Variants in TAFA2 observed in about 807,000 individuals in gnomAD.
The protein encoded by TAFA2 is chemokine-like protein TAFA-2.
A neutral mutation model predicts 18.8 loss-of-function variants in TAFA2; 7 were observed. The ratio of observed to expected loss-of-function variants is 0.37; its 90% CI spans 0.21 to 0.70. The LOEUF (loss-of-function observed/expected upper bound fraction) is 0.70, where lower values mean the gene tolerates loss of function less well. Ranked by LOEUF, TAFA2 falls within the 30% of genes least tolerant of loss-of-function variation. The pLI, the probability that TAFA2 is intolerant of heterozygous loss-of-function variation, is 0.53. For missense variants in TAFA2, 122 were observed against 158.1 expected, an observed-to-expected ratio of 0.77 and a Z score of 1.23; for synonymous variants, 60 against 54.2, an observed-to-expected ratio of 1.11 and a Z score of -0.47.
chr12:61,931,433 C>A (rs1877550213), intron 1 of TAFA2, among the ~76,000 whole-genome samples: 1 of 152,208 alleles, frequency 6.6e-6, no homozygotes, highest in South Asian at 2.1e-4. Flanking sequence ...GCACTTGGCA[C>A]TGGCCAGCTG....
intron 1 of TAFA2, among the ~76,000 whole-genome samples, chr12:61,965,383 A>G (rs1464944249): frequency 6.6e-6 from 1 of 151,900 alleles, no homozygotes; most frequent in African/African-American, 2.4e-5. Flanking sequence ...ATAAACTTCT[A>G]TTGTTTATAA....
chr12:62,211,510 G>A (rs1028182709), intron 1 of TAFA2, among the ~76,000 whole-genome samples: 9 of 151,892 alleles, frequency 5.9e-5, no homozygotes, highest in African/African-American at 2.2e-4. Flanking sequence ...AACCTGGGAG[G>A]CGGAGGTTGC....
intron 1 of TAFA2, among the ~76,000 whole-genome samples, chr12:61,917,017 T>C (rs1876847029): frequency 6.6e-6 from 1 of 152,128 alleles, no homozygotes; most frequent in Non-Finnish European, 1.5e-5. Context: ...TAGTAAGAAC[T>C]CATACACGGT....
At chr12:62,133,822 A>G (rs1870785305) in intron 1 of TAFA2, among the ~76,000 whole-genome samples, 3 of 152,082 alleles carry the variant, frequency 2.0e-5, no homozygotes, top group Non-Finnish European at 4.4e-5. Context: ...TGGACAAATA[A>G]TCATTGAGCA....
chr12:61,917,911 G>C (rs1459251412), intron 1 of TAFA2, among the ~76,000 whole-genome samples: 1 of 151,356 alleles, frequency 6.6e-6, no homozygotes, highest in Non-Finnish European at 1.5e-5. Context: ...CAGGAGCGCT[G>C]TGAATCTTAT....
intron 1 of TAFA2, among the ~76,000 whole-genome samples, chr12:62,022,884 C>A (rs1881192038): frequency 6.6e-6 from 1 of 152,200 alleles, no homozygotes; most frequent in African/African-American, 2.4e-5. Context: ...CAGGGGTTCC[C>A]ATGGCTGAAT....
chr12:61,779,716 A>G (rs1870423019), intron 2 of TAFA2, among the ~76,000 whole-genome samples: 2 of 151,854 alleles, frequency 1.3e-5, no homozygotes, highest in Admixed American at 6.6e-5. Flanking sequence ...AAGATTTTCT[A>G]CTATGAACAT....
chr12:62,035,509 G>A (rs1050503132), intron 1 of TAFA2, among the ~76,000 whole-genome samples: 1 of 150,572 alleles, frequency 6.6e-6, no homozygotes, highest in Non-Finnish European at 1.5e-5. Context: ...GAAGAGGGTT[G>A]ATATAGGGAG....
intron 2 of TAFA2, among the ~76,000 whole-genome samples, chr12:61,843,934 T>C (rs2121135002): frequency 6.6e-6 from 1 of 152,218 alleles, no homozygotes; most frequent in African/African-American, 2.4e-5. Flanking sequence ...GTTTGTTCAG[T>C]CCTGAAACTG....
chr12:62,032,676 A>T (rs973810767), intron 1 of TAFA2, among the ~76,000 whole-genome samples: 14 of 116,468 alleles, frequency 1.2e-4, no homozygotes, highest in Admixed American at 2.4e-4. Context: ...TGCATTAATT[A>T]AAAAAAATCT....
intron 2 of TAFA2, among the ~76,000 whole-genome samples, chr12:61,846,976 C>T (rs1240398828): frequency 6.6e-6 from 1 of 152,060 alleles, no homozygotes; most frequent in Non-Finnish European, 1.5e-5. Context: ...TCCTTACTTC[C>T]CACACAGGTT....
chr12:61,896,527 C>A (rs1299848753), intron 1 of TAFA2, among the ~76,000 whole-genome samples: 2 of 152,188 alleles, frequency 1.3e-5, no homozygotes, highest in East Asian at 3.8e-4. Context: ...TAGGCCACTT[C>A]AAGTGCTTGA....
chr12:61,905,601 C>G (rs1313465777), intron 1 of TAFA2, among the ~76,000 whole-genome samples: 1 of 152,082 alleles, frequency 6.6e-6, no homozygotes, highest in Non-Finnish European at 1.5e-5. Flanking sequence ...CAGATAATCT[C>G]AATATCACCA....
intron 2 of TAFA2, among the ~76,000 whole-genome samples, chr12:61,774,862 A>T (rs550469518): frequency 3.3e-5 from 5 of 151,908 alleles, no homozygotes; most frequent in Admixed American, 2.6e-4. Flanking sequence ...GAAAATAAAG[A>T]CATTGTCAAG....
At chr12:61,802,877 T>C (rs1871455801) in intron 2 of TAFA2, among the ~76,000 whole-genome samples, 1 of 151,954 alleles carries the variant, frequency 6.6e-6, no homozygotes, top group Admixed American at 6.6e-5. Flanking sequence ...AATTATTATA[T>C]GGTAACAAAA....
intron 1 of TAFA2, among the ~76,000 whole-genome samples, chr12:62,183,081 C>T (rs557073497): frequency 1.8e-4 from 28 of 152,258 alleles, no homozygotes; most frequent in African/African-American, 5.8e-4. Flanking sequence ...ATACTAAAGC[C>T]TAAATCTCCA....
intron 1 of TAFA2, among the ~76,000 whole-genome samples, chr12:62,117,837 A>C (rs1870026334): frequency 6.6e-6 from 1 of 152,016 alleles, no homozygotes; most frequent in African/African-American, 2.4e-5. Context: ...TAAAAACTGA[A>C]TTTCCTTAAT....
intron 1 of TAFA2, among the ~76,000 whole-genome samples, chr12:62,102,789 A>G (rs906646715): frequency 6.6e-6 from 1 of 152,222 alleles, no homozygotes; most frequent in African/African-American, 2.4e-5. Context: ...GAGGAAAAAT[A>G]AGCTAGCACA....
intron 2 of TAFA2, among the ~76,000 whole-genome samples, chr12:61,788,178 A>C (rs554929540): frequency 6.6e-6 from 1 of 151,688 alleles, no homozygotes; most frequent in Non-Finnish European, 1.5e-5. Flanking sequence ...ATATGCATCC[A>C]GTGCTGGACC....
Sources: gnomAD v4.1 joint callset for allele counts (sites outside exome capture counted in the v4.1 genomes callset) on GRCh38, gnomAD v4.1.1 for gene constraint, MANE v1.5 for transcripts, NCBI Gene and HGNC (gene_info 2026-07-23, HGNC 2026-07-21) for gene names.